Variants in PDE4D observed in about 807,000 individuals in gnomAD.
PDE4D encodes phosphodiesterase 4D, also known as 3',5'-cyclic-AMP phosphodiesterase 4D.
Under a neutral mutation model 87.4 loss-of-function variants are expected in PDE4D, and 24 were observed. The observed-to-expected ratio is 0.27, with a 90% CI of 0.20 to 0.39. The LOEUF is 0.39. Among genes scored for constraint, PDE4D ranks in the 10% least tolerant of loss-of-function variants. The pLI is 1.00. For missense variants in PDE4D, 714 were observed against 1,041.0 expected (o/e 0.69, Z 4.32); for synonymous variants, 384 against 383.2 (o/e 1.00, Z -0.02).
At chr5:59,739,403 G>A (rs977796239) in intron 1 of PDE4D, among the ~76,000 whole-genome samples, 12 of 152,074 alleles carry the variant, frequency 7.9e-5, no homozygotes, top group African/African-American at 2.4e-4. Flanking sequence ...CTGGGTGACA[G>A]AATGAGACTC....
intron 2 of PDE4D, among the ~76,000 whole-genome samples, chr5:60,001,952 A>G (rs1764063634): frequency 1.3e-5 from 2 of 151,826 alleles, no homozygotes; most frequent in South Asian, 4.1e-4. Flanking sequence ...ACTACAAAAT[A>G]TCAACAAATC....
chr5:59,867,733 C>T (rs933527826), intron 1 of PDE4D, among the ~76,000 whole-genome samples: 5 of 152,036 alleles, frequency 3.3e-5, no homozygotes, highest in Admixed American at 1.3e-4. Context: ...AGATCATGGA[C>T]GATACTGCAA....
chr5:59,088,140 T>C (rs1370555973), intron 5 of PDE4D, among the ~76,000 whole-genome samples: 3 of 152,232 alleles, frequency 2.0e-5, no homozygotes, highest in Non-Finnish European at 4.4e-5. Context: ...AGTTAACTCA[T>C]TCATTTCTTC....
chr5:60,067,677 C>T (rs1015038235), intron 2 of PDE4D, among the ~76,000 whole-genome samples: 1 of 152,072 alleles, frequency 6.6e-6, no homozygotes, highest in African/African-American at 2.4e-5. Flanking sequence ...TCTTTCTTGA[C>T]TGAAACTTTA....
At chr5:60,131,192 T>C (rs1232907000) in intron 2 of PDE4D, among the ~76,000 whole-genome samples, 5 of 152,220 alleles carry the variant, frequency 3.3e-5, no homozygotes, top group Non-Finnish European at 5.9e-5. Context: ...TTAAATAAAC[T>C]TTGTTTTGCT....
intron 1 of PDE4D, among the ~76,000 whole-genome samples, chr5:59,437,630 C>T (rs1188231511): frequency 2.0e-5 from 3 of 151,852 alleles, no homozygotes; most frequent in Non-Finnish European, 4.4e-5. Flanking sequence ...TTTTCTACCC[C>T]AACCAGCCAG....
intron 5 of PDE4D, among the ~76,000 whole-genome samples, chr5:59,094,904 C>T (rs1285678293): frequency 2.0e-5 from 3 of 152,164 alleles, no homozygotes; most frequent in South Asian, 4.2e-4. Context: ...TTCTGAGACT[C>T]TGGAGCTCCT....
intron 2 of PDE4D, among the ~76,000 whole-genome samples, chr5:60,080,005 T>A (rs1168297271): frequency 6.6e-6 from 1 of 152,242 alleles, no homozygotes; most frequent in Non-Finnish European, 1.5e-5. Flanking sequence ...TTCCTATCCA[T>A]GAGGATGAAA....
At chr5:59,863,019 G>A (rs190736067) in intron 1 of PDE4D, among the ~76,000 whole-genome samples, 1 of 152,170 alleles carries the variant, frequency 6.6e-6, no homozygotes, top group Non-Finnish European at 1.5e-5. Flanking sequence ...GGAGGAAGAA[G>A]GTAAACTCTT....
chr5:59,913,518 T>C (rs1753671300), intron 3 of PDE4D, among the ~76,000 whole-genome samples: 1 of 152,196 alleles, frequency 6.6e-6, no homozygotes, highest in Non-Finnish European at 1.5e-5. Context: ...TTAAAGCTTA[T>C]TTTCTTTCAC....
At chr5:59,502,947 TC>T (rs1808588300) in intron 1 of PDE4D, among the ~76,000 whole-genome samples, 1 of 151,880 alleles carries the variant, frequency 6.6e-6, no homozygotes, top group African/African-American at 2.4e-5. Flanking sequence ...TTACTTGATT[TC>T]TTTTGAAGAG....
At chr5:59,460,980 C>T (rs893138959) in intron 1 of PDE4D, among the ~76,000 whole-genome samples, 1 of 152,146 alleles carries the variant, frequency 6.6e-6, no homozygotes, top group East Asian at 1.9e-4. Context: ...AGATATGTGT[C>T]AGCCATGAAG....
intron 1 of PDE4D, among the ~76,000 whole-genome samples, chr5:60,361,181 A>G (rs1760027532): frequency 6.6e-6 from 1 of 152,206 alleles, no homozygotes; most frequent in Non-Finnish European, 1.5e-5. Flanking sequence ...GTGATCAAGC[A>G]CATAGTAGAT....
intron 1 of PDE4D, among the ~76,000 whole-genome samples, chr5:59,313,698 A>G (rs955133501): frequency 2.0e-5 from 3 of 152,180 alleles, no homozygotes; most frequent in African/African-American, 7.2e-5. Context: ...AGAATTTCAT[A>G]CCTAGAACCA....
chr5:60,183,180 T>C lies in PDE4D; in HGVS notation c.42+2377A>G, dbSNP rs567260874. 1.7e-3 allele frequency among the ~76,000 whole-genome samples: 256 copies of C among 152,260 alleles called. 1 individual carries two copies. The highest frequency in any genetic ancestry group is 5.8e-3 in the African/African-American group (242 of 41,550). On this transcript the variant is annotated intron_variant, in intron 2 of 16. Coordinates refer to the PDE4D transcript ENST00000502484. ...ACGAGAGAGCTTACCAGGAACAAAA[T>C]TGGTTGGCATTTTGATCTTGAACTT...
chr5:59,417,308 G>C (rs995828873), intron 1 of PDE4D, among the ~76,000 whole-genome samples: 1 of 152,124 alleles, frequency 6.6e-6, no homozygotes, highest in African/African-American at 2.4e-5. Context: ...CCAGCCAAGA[G>C]CATTGGGGAA....
chr5:59,904,950 C>T (rs1217098382), intron 3 of PDE4D, among the ~76,000 whole-genome samples: 2 of 152,040 alleles, frequency 1.3e-5, no homozygotes, highest in Non-Finnish European at 2.9e-5. Context: ...ATTCACAAGT[C>T]ACGGCAGACT....
chr5:59,516,644 T>C (rs1332118727), intron 1 of PDE4D, among the ~76,000 whole-genome samples: 1 of 152,180 alleles, frequency 6.6e-6, no homozygotes, highest in East Asian at 1.9e-4. Context: ...AATTGCAGAA[T>C]ATTTTTAAAA....
chr5:59,653,400 C>T (rs912157391), intron 1 of PDE4D, among the ~76,000 whole-genome samples: 8 of 151,982 alleles, frequency 5.3e-5, no homozygotes, highest in South Asian at 4.2e-4. Context: ...GATGGGGTTT[C>T]GCCACTCCCT....
Sources: allele counts gnomAD v4.1 joint callset (sites outside exome capture counted in the v4.1 genomes callset), GRCh38; gene constraint gnomAD v4.1.1; transcripts MANE v1.5; gene names NCBI Gene and HGNC (gene_info 2026-07-23, HGNC 2026-07-21).